STAC: variants seen among roughly 807,000 people sequenced by gnomAD.
STAC encodes the protein SH3 and cysteine-rich domain-containing protein.
Under a neutral mutation model 48.8 loss-of-function variants are expected in STAC, and 43 were observed. That is an observed-to-expected ratio of 0.88 (90% CI 0.69 to 1.14). The LOEUF is 1.14. Among genes scored for constraint, STAC ranks in the 50% most tolerant of loss-of-function variants. The pLI, the probability that STAC is intolerant of heterozygous loss-of-function variation, is 0.00. For synonymous variants in STAC, 193 were observed against 179.5 expected, an observed-to-expected ratio of 1.07 and a Z score of -0.60; for missense variants, 497 against 504.0, an observed-to-expected ratio of 0.99 and a Z score of 0.13.
Position 36,420,675 on chromosome 3 carries a change from G to A in STAC, c.112-22689G>A, listed in dbSNP as rs1056350754. 2.0e-5 allele frequency among the ~76,000 whole-genome samples: 3 copies of A among 152,124 alleles called. No individual in the cohort carries two copies. The East Asian group carries it at 5.8e-4, about 29-fold the overall frequency. On this transcript the variant is annotated intron_variant, in intron 1 of 10. Coordinates refer to ENST00000273183, the MANE Select transcript of STAC (RefSeq NM_003149.3). Reference sequence around the variant, plus strand: ...CCATCCCCCCTCTACCTCAATCCACGGAAAAACTGTCTTCCATGAAACTGG... The same window carrying A: ...CCATCCCCCCTCTACCTCAATCCACAGAAAAACTGTCTTCCATGAAACTGG...
chr3:36,414,651 G>A (rs147265486), intron 1 of STAC, among the ~76,000 whole-genome samples: 3,625 of 152,142 alleles, frequency 0.024, 62 homozygotes, highest in Non-Finnish European at 0.027. Flanking sequence ...AAGTTTGATC[G>A]TCTGAAGCCC....
At chr3:36,516,125 A>G (rs528479088) in intron 8 of STAC, among the ~76,000 whole-genome samples, 10 of 151,758 alleles carry the variant, frequency 6.6e-5, no homozygotes, top group Admixed American at 1.3e-4. Flanking sequence ...CTGGGATTAC[A>G]GGCACCTGCC....
chr3:36,389,470 T>C (rs566455951), intron 1 of STAC, among the ~76,000 whole-genome samples: 2 of 152,250 alleles, frequency 1.3e-5, no homozygotes, highest in South Asian at 2.1e-4. Context: ...AATACCGTCA[T>C]ACTGGTGGAT....
At chr3:36,446,302 T>C (rs1328994743) in intron 2 of STAC, among the ~76,000 whole-genome samples, 3 of 152,220 alleles carry the variant, frequency 2.0e-5, no homozygotes, top group Admixed American at 1.3e-4. Flanking sequence ...CATGGAGACA[T>C]GAGAGAAATA....
At chr3:36,438,223 A>C (rs1056918021) in intron 1 of STAC, among the ~76,000 whole-genome samples, 14 of 152,126 alleles carry the variant, frequency 9.2e-5, no homozygotes, top group Admixed American at 6.5e-5. Context: ...GAGCCACCGC[A>C]CCCGGCCTGA....
intron 1 of STAC, among the ~76,000 whole-genome samples, chr3:36,417,464 T>C (rs1234165314): frequency 6.6e-6 from 1 of 152,012 alleles, no homozygotes; most frequent in East Asian, 1.9e-4. Flanking sequence ...CACACACACG[T>C]ATATAAATTT....
At chr3:36,437,521 C>T (rs1696179846) in intron 1 of STAC, among the ~76,000 whole-genome samples, 1 of 149,702 alleles carries the variant, frequency 6.7e-6, no homozygotes, top group Non-Finnish European at 1.5e-5. Flanking sequence ...TAAACTACCG[C>T]AAGGACAAAA....
At chr3:36,509,635 C>T (rs1698488078) in intron 8 of STAC, among the ~76,000 whole-genome samples, 1 of 151,766 alleles carries the variant, frequency 6.6e-6, no homozygotes, top group Admixed American at 6.6e-5. Context: ...TGTCTTCACA[C>T]TTTATTTCAT....
rs148657189 is a variant in STAC at position 36,386,895 on chromosome 3, C to T, written c.111+6141C>T. Among the ~76,000 whole-genome samples, 438 of 152,160 alleles carry T rather than the reference C, an allele frequency of 2.9e-3. 2 individuals are homozygous for T. Among genetic ancestry groups the T allele is most frequent in the Admixed American group, 9.0e-3 (138 of 15,270 alleles). On this transcript the variant is annotated intron_variant, in intron 1 of 10. Coordinates refer to ENST00000273183, the MANE Select transcript of STAC (RefSeq NM_003149.3). ...CATTTCCACGTGCACTTTGGAATCA[C>T]CTGATCAATTTGCACAAAAACACCT...
At chr3:36,497,581 AC>A (rs1376381855) in intron 6 of STAC, among the ~76,000 whole-genome samples, 1 of 152,112 alleles carries the variant, frequency 6.6e-6, no homozygotes, top group Non-Finnish European at 1.5e-5. Flanking sequence ...TGGATGAAAG[AC>A]CCTTTTGAAA....
chr3:36,541,459 A>T (rs1362047175), intron 10 of STAC, among the ~76,000 whole-genome samples: 1 of 152,238 alleles, frequency 6.6e-6, no homozygotes, highest in South Asian at 2.1e-4. Context: ...TGATTGATGC[A>T]GAACTAAGGT....
intron 8 of STAC, among the ~76,000 whole-genome samples, chr3:36,527,625 T>C (rs1489762197): frequency 6.6e-6 from 1 of 152,166 alleles, no homozygotes; most frequent in Non-Finnish European, 1.5e-5. Flanking sequence ...AGGTCCAGTA[T>C]GTGTTGACAA....
intron 1 of STAC, among the ~76,000 whole-genome samples, chr3:36,434,173 G>A (rs1323576006): frequency 2.6e-5 from 4 of 152,206 alleles, no homozygotes; most frequent in African/African-American, 9.7e-5. Flanking sequence ...AATAGATGAG[G>A]TGAATCTGCA....
intron 2 of STAC, among the ~76,000 whole-genome samples, chr3:36,445,989 C>G (rs1202333107): frequency 2.6e-5 from 4 of 152,186 alleles, no homozygotes; most frequent in African/African-American, 4.8e-5. Flanking sequence ...AAGGCCACAC[C>G]CTTGCCATAA....
At chr3:36,476,353 C>A (rs756032215) in intron 2 of STAC, among the ~76,000 whole-genome samples, 4 of 152,070 alleles carry the variant, frequency 2.6e-5, no homozygotes, top group Non-Finnish European at 5.9e-5. Flanking sequence ...GGTGTGTGTG[C>A]AGGAGGCTTT....
At chr3:36,461,293 CTGAG>C (rs1445485667) in intron 2 of STAC, among the ~76,000 whole-genome samples, 1 of 152,130 alleles carries the variant, frequency 6.6e-6, no homozygotes, top group East Asian at 1.9e-4. Context: ...AATAAGCATG[CTGAG>C]TATTATTAAT....
rs959077031 is a variant in STAC at position 36,443,709 on chromosome 3, G to A, written c.388+69G>A. 5.4e-5 allele frequency: 85 copies of A among 1,572,128 alleles called. No individual in the cohort carries two copies. Among genetic ancestry groups the A allele is most frequent in the Admixed American group, 3.4e-4 (20 of 59,010 alleles). On this transcript the variant is annotated intron_variant, in intron 2 of 10. Transcript: ENST00000273183. The surrounding 1 kb of genome is among the most constrained non-coding windows in gnomAD (Gnocchi z 4.2). ...AAGCTGAGTGAGAGTGGTGTGCCAC[G>A]GGTCCAGGTACCTACGGACAGATGC...
intron 1 of STAC, among the ~76,000 whole-genome samples, chr3:36,384,228 A>T (rs1699570290): frequency 6.6e-6 from 1 of 152,156 alleles, no homozygotes; most frequent in Non-Finnish European, 1.5e-5. Context: ...CTAGTGTCTA[A>T]TGTGAAGGTT....
intron 1 of STAC, among the ~76,000 whole-genome samples, chr3:36,394,572 G>A (rs1310377746): frequency 3.9e-5 from 6 of 152,162 alleles, no homozygotes; most frequent in African/African-American, 1.4e-4. Flanking sequence ...CCAGATTAGG[G>A]AGAATCTGGT....
Sources: allele counts gnomAD v4.1 joint callset (sites outside exome capture counted in the v4.1 genomes callset), GRCh38; gene constraint gnomAD v4.1.1; non-coding constraint Gnocchi (gnomAD v3.1); transcripts MANE v1.5; gene names NCBI Gene and HGNC (gene_info 2026-07-23, HGNC 2026-07-21).